Variants in LRRC49 observed in about 807,000 individuals in gnomAD.
The protein encoded by LRRC49 is leucine rich repeat containing 49.
Under a neutral mutation model 83.3 loss-of-function variants are expected in LRRC49, and 50 were observed. That is an observed-to-expected ratio of 0.60 (90% confidence interval 0.48 to 0.76). The LOEUF (loss-of-function observed/expected upper bound fraction) is 0.76, where lower values mean the gene tolerates loss of function less well. LRRC49 is among the 30% of genes least tolerant of loss of function. LRRC49 has a pLI of 0.00. For missense variants in LRRC49, 704 were observed against 809.1 expected, an observed-to-expected ratio of 0.87 and a Z score of 1.58; for synonymous variants, 286 against 283.3, an observed-to-expected ratio of 1.01 and a Z score of -0.10.
chr15:70,943,745 G>A (rs1320528992), intron 8 of LRRC49, among the ~76,000 whole-genome samples: 1 of 152,182 alleles, frequency 6.6e-6, no homozygotes, highest in Non-Finnish European at 1.5e-5. Context: ...CCAGTGTGAA[G>A]CCACTAATTA....
chr15:70,952,488 G>A (rs1445033062), intron 8 of LRRC49, among the ~76,000 whole-genome samples: 1 of 151,988 alleles, frequency 6.6e-6, no homozygotes, highest in Non-Finnish European at 1.5e-5. Flanking sequence ...TTGTGCTGTT[G>A]TCCAAGTGTG....
intron 2 of LRRC49, chr15:70,882,468 C>T (rs2033286909): frequency 6.2e-7 from 1 of 1,610,512 alleles, no homozygotes; most frequent in Admixed American, 1.7e-5. Context: ...CATGTTTCTT[C>T]TTTCACCTGT....
chr15:71,006,675 AT>A (rs1000998418), intron 11 of LRRC49, among the ~76,000 whole-genome samples: 2 of 152,130 alleles, frequency 1.3e-5, no homozygotes, highest in Non-Finnish European at 2.9e-5. Context: ...TGGATCTACT[AT>A]AGTAATCGTG....
At chr15:70,949,056 T>C in intron 8 of LRRC49, among the ~76,000 whole-genome samples, 1 of 152,198 alleles carries the variant, frequency 6.6e-6, no homozygotes, top group East Asian at 1.9e-4. Flanking sequence ...TTCATATCAT[T>C]TTCACATATG....
At chr15:70,946,513 T>A (rs2036013297) in intron 8 of LRRC49, among the ~76,000 whole-genome samples, 2 of 152,160 alleles carry the variant, frequency 1.3e-5, no homozygotes, top group African/African-American at 4.8e-5. Context: ...TTAGGTTGAT[T>A]CCATATCTTG....
chr15:71,049,419 A>G lies in LRRC49; in HGVS notation c.1868A>G (p.Glu623Gly), dbSNP rs1217100895. ...TCTTTTTTTTAACAGGAAATAAAGGAAAAGAAGAAATTCTGTAAAACATAT... is the reference window on the plus strand; with the variant it reads ...TCTTTTTTTTAACAGGAAATAAAGGGAAAGAAGAAATTCTGTAAAACATAT... ...FYNEKLEEIK[E>G]KKKFCKTYIE... Residue 623 changes from glutamate to glycine, a missense_variant, in exon 16 of 16, where the codon GAA becomes GGA. This residue lies in a region of LRRC49 where 275 missense variants were observed against 338.0 expected (regional missense o/e 0.81). Transcript: ENST00000260382. 6.3e-7 allele frequency: 1 copy of G among 1,580,254 alleles called. No individual in the cohort carries two copies. The highest frequency in any genetic ancestry group is 8.6e-7 in the Non-Finnish European group (1 of 1,164,752).
At chr15:71,035,747 C>T (rs2039498782) in intron 14 of LRRC49, among the ~76,000 whole-genome samples, 1 of 152,248 alleles carries the variant, frequency 6.6e-6, no homozygotes, top group Non-Finnish European at 1.5e-5. Flanking sequence ...CAGTCTATCA[C>T]TGATGGGCAT....
chr15:70,954,968 C>T (rs1015421188), intron 8 of LRRC49, among the ~76,000 whole-genome samples: 6 of 151,410 alleles, frequency 4.0e-5, no homozygotes, highest in Non-Finnish European at 7.4e-5. Flanking sequence ...TAGGGGGCAC[C>T]GTGGGCTTGG....
upstream of LRRC49, chr15:70,892,689 C>G (rs1355552152): frequency 6.9e-7 from 1 of 1,454,330 alleles, no homozygotes; most frequent in East Asian, 2.5e-5. Flanking sequence ...GAAGTGGTGA[C>G]GCACTGGGCT....
intron 9 of LRRC49, among the ~76,000 whole-genome samples, chr15:70,973,003 A>C (rs545287461): frequency 4.6e-5 from 7 of 152,032 alleles, no homozygotes; most frequent in Non-Finnish European, 7.4e-5. Context: ...CGTCAAACTC[A>C]TTCTCCATCC....
intron 11 of LRRC49, among the ~76,000 whole-genome samples, chr15:70,993,455 A>G (rs1025884989): frequency 2.6e-5 from 4 of 152,066 alleles, no homozygotes; most frequent in African/African-American, 7.2e-5. Flanking sequence ...TGCAGAAATC[A>G]CCTGTCTTCT....
chr15:70,873,224 G>GT lies in LRRC49; in HGVS notation c.18+2dup. The GT allele has an allele frequency of 6.5e-7, 1 of 1,536,010 alleles. No homozygotes were observed. Among genetic ancestry groups the GT allele is most frequent in the Non-Finnish European group, 8.7e-7 (1 of 1,146,872 alleles). On this transcript the variant is annotated splice_donor_variant, in intron 2 of 16. Coordinates refer to the LRRC49 transcript ENST00000544974. LOFTEE classifies it high-confidence loss of function. The stretch of plus-strand genomic sequence containing the variant: ...TTTAAAGATGGATTGCCAAGCTGAG[G>GT]TAAGTCTACACTTTCAGTTGACATA...
intron 7 of LRRC49, among the ~76,000 whole-genome samples, chr15:70,931,468 A>T (rs947012475): frequency 9.9e-5 from 15 of 152,168 alleles, no homozygotes; most frequent in African/African-American, 3.4e-4. Context: ...TGACCTAGAG[A>T]CGAAGTGAGC....
chr15:71,001,774 C>T (rs979630784), intron 11 of LRRC49, among the ~76,000 whole-genome samples: 3 of 152,262 alleles, frequency 2.0e-5, no homozygotes, highest in Non-Finnish European at 4.4e-5. Context: ...TCACTGCAAC[C>T]TCTGCCTCCC....
chr15:70,940,288 G>A (rs2035762959), intron 8 of LRRC49, among the ~76,000 whole-genome samples: 1 of 125,092 alleles, frequency 8.0e-6, no homozygotes, highest in African/African-American at 3.1e-5. Flanking sequence ...ACGGAGTCTC[G>A]CTCTGTCGCC....
chr15:70,965,829 A>AT (rs1340208938), intron 9 of LRRC49, among the ~76,000 whole-genome samples: 1 of 151,978 alleles, frequency 6.6e-6, no homozygotes, highest in Non-Finnish European at 1.5e-5. Context: ...ATTCATATCT[A>AT]TATGGACTTA....
intron 11 of LRRC49, 44 bp downstream of exon 11, chr15:70,984,301 T>G: frequency 6.7e-7 from 1 of 1,486,800 alleles, no homozygotes; most frequent in South Asian, 1.4e-5. Flanking sequence ...CTTTGATAAT[T>G]GAATTTGGAG....
intron 2 of LRRC49, among the ~76,000 whole-genome samples, chr15:70,875,742 G>A (rs554087064): frequency 5.1e-4 from 78 of 152,320 alleles, no homozygotes; most frequent in Middle Eastern, 6.8e-3. Context: ...GGCCCAGAGA[G>A]ATAATGTAAT....
intron 2 of LRRC49, among the ~76,000 whole-genome samples, chr15:70,875,854 A>G (rs1257785694): frequency 2.0e-5 from 3 of 152,220 alleles, no homozygotes; most frequent in Non-Finnish European, 2.9e-5. Flanking sequence ...CCATGTCCCA[A>G]TAATTTTTTC....
Sources: gnomAD v4.1 joint callset for allele counts (sites outside exome capture counted in the v4.1 genomes callset) on GRCh38, gnomAD v4.1.1 for gene constraint, gnomAD v4.1.1 regional missense constraint, MANE v1.5 for transcripts, NCBI Gene and HGNC (gene_info 2026-07-23, HGNC 2026-07-21) for gene names.